Variants in GABRB1 observed in about 807,000 individuals in gnomAD.
GABRB1 encodes the protein gamma-aminobutyric acid type A receptor subunit beta1.
In GABRB1, 17 loss-of-function variants were observed where a neutral mutation model predicts 51.6. That is an observed-to-expected ratio of 0.33 (90% confidence interval 0.23 to 0.49). The LOEUF is 0.49. GABRB1 is among the 20% of genes least tolerant of loss of function. The pLI is 0.99. For missense variants in GABRB1, 410 were observed against 600.6 expected (o/e 0.68, Z 3.32); for synonymous variants, 247 against 218.9 (o/e 1.13, Z -1.14).
Position 47,064,337 on chromosome 4 carries a change from T to G in GABRB1, c.240+31853T>G, listed in dbSNP as rs1468745904. Among the ~76,000 whole-genome samples the G allele has an allele frequency of 3.3e-5, 5 of 152,270 alleles. No individual in the cohort carries two copies. The South Asian group carries it at 8.3e-4, about 25-fold the overall frequency. ...TCTTCTCTTCTTTACCTTATTTTTCTTCAAAGAAGTTATCAGGCCAGGTGC... is the reference window on the plus strand; with the variant it reads ...TCTTCTCTTCTTTACCTTATTTTTCGTCAAAGAAGTTATCAGGCCAGGTGC... On this transcript the variant is annotated intron_variant, in intron 3 of 8. Coordinates refer to ENST00000295454, the MANE Select transcript of GABRB1 (RefSeq NM_000812.4).
intron 3 of GABRB1, among the ~76,000 whole-genome samples, chr4:47,090,806 A>C (rs1728259948): frequency 6.6e-6 from 1 of 151,648 alleles, no homozygotes; most frequent in African/African-American, 2.4e-5. Flanking sequence ...ATGCTATGCA[A>C]TTTGAGGCCT....
chr4:47,150,649 A>G lies in GABRB1; in HGVS notation c.241-10600A>G, dbSNP rs1003570010. On this transcript the variant is annotated intron_variant, in intron 3 of 8. Coordinates refer to ENST00000295454, the MANE Select transcript of GABRB1 (RefSeq NM_000812.4). ...TACATGACAAAAGCCACATATATAT[A>G]CACACACACACACATAATGTTATAA... Among the ~76,000 whole-genome samples the G allele has an allele frequency of 4.7e-5, 7 of 150,228 alleles. No individual in the cohort carries two copies. In the East Asian group the frequency reaches 1.4e-3, roughly 29 times the overall value.
At chr4:47,412,219 C>A (rs1297033295) in intron 8 of GABRB1, among the ~76,000 whole-genome samples, 1 of 152,108 alleles carries the variant, frequency 6.6e-6, no homozygotes, top group African/African-American at 2.4e-5. Context: ...CACCCCAGAG[C>A]CCTTGTCTTT....
chr4:47,149,706 T>C (rs1717340899), intron 3 of GABRB1, among the ~76,000 whole-genome samples: 1 of 152,094 alleles, frequency 6.6e-6, no homozygotes, highest in Admixed American at 6.6e-5. Context: ...AGGATGATTA[T>C]AAAGCTACAT....
At chr4:47,417,514 C>T (rs895291333) in intron 8 of GABRB1, among the ~76,000 whole-genome samples, 8 of 151,444 alleles carry the variant, frequency 5.3e-5, no homozygotes, top group African/African-American at 1.5e-4. Context: ...CCCTGGTGAG[C>T]GCAAATGACT....
chr4:47,042,280 A>G (rs1329086013), intron 3 of GABRB1, among the ~76,000 whole-genome samples: 1 of 150,522 alleles, frequency 6.6e-6, no homozygotes, highest in East Asian at 1.9e-4. Context: ...TTTTATGTTG[A>G]CCATGAATCA....
intron 4 of GABRB1, among the ~76,000 whole-genome samples, chr4:47,195,397 TAGATAGATAGATA>T (rs1223086953): frequency 7.7e-6 from 1 of 129,844 alleles, no homozygotes; most frequent in South Asian, 2.7e-4. Context: ...AGATAGATGA[TAGATAGATAGATA>T]GATAGATAGA....
At chr4:47,052,058 A>T (rs770968313) in intron 3 of GABRB1, among the ~76,000 whole-genome samples, 1 of 152,114 alleles carries the variant, frequency 6.6e-6, no homozygotes, top group Non-Finnish European at 1.5e-5. Context: ...TGAACCCAGG[A>T]GGTAGAGGTT....
At chr4:47,033,285 T>C (rs1269048111) in intron 3 of GABRB1, among the ~76,000 whole-genome samples, 1 of 152,236 alleles carries the variant, frequency 6.6e-6, no homozygotes, top group Non-Finnish European at 1.5e-5. Context: ...CATTCTTTTA[T>C]ATATTTCTTC....
intron 5 of GABRB1, among the ~76,000 whole-genome samples, chr4:47,337,763 T>C (rs531969186): frequency 7.6e-6 from 1 of 132,312 alleles, no homozygotes; most frequent in Admixed American, 8.8e-5. Context: ...TGAGCCGACA[T>C]CATGCCACTG....
chr4:47,331,744 T>A (rs1311251144), intron 5 of GABRB1, among the ~76,000 whole-genome samples: 1 of 152,180 alleles, frequency 6.6e-6, no homozygotes, highest in Non-Finnish European at 1.5e-5. Flanking sequence ...CCAAACTTGA[T>A]AATAACAATA....
chr4:47,155,791 C>T (rs1406225085), intron 3 of GABRB1, among the ~76,000 whole-genome samples: 1 of 150,988 alleles, frequency 6.6e-6, no homozygotes, highest in Non-Finnish European at 1.5e-5. Context: ...GTCAGACTTC[C>T]CTAGCATAAA....
chr4:47,187,180 T>C (rs1270625095), intron 4 of GABRB1, among the ~76,000 whole-genome samples: 1 of 151,792 alleles, frequency 6.6e-6, no homozygotes, highest in East Asian at 1.9e-4. Context: ...AAATACAGTT[T>C]GTACCTAAGC....
At chr4:47,312,070 T>TGC (rs1553874201) in intron 4 of GABRB1, among the ~76,000 whole-genome samples, 1 of 149,316 alleles carries the variant, frequency 6.7e-6, no homozygotes. Context: ...TGTGTGTGTG[T>TGC]GCGCGTGCAT....
At chr4:47,364,973 A>G (rs924060328) in intron 5 of GABRB1, among the ~76,000 whole-genome samples, 8 of 152,240 alleles carry the variant, frequency 5.3e-5, no homozygotes, top group Non-Finnish European at 2.9e-5. Flanking sequence ...ACACCATGGC[A>G]ACAAGAAATT....
At chr4:47,376,517 G>T (rs562616052) in intron 5 of GABRB1, among the ~76,000 whole-genome samples, 1 of 152,280 alleles carries the variant, frequency 6.6e-6, no homozygotes, top group Admixed American at 6.5e-5. Context: ...CCTAGTGGCG[G>T]CCGCCTGTAG....
intron 3 of GABRB1, among the ~76,000 whole-genome samples, chr4:47,123,657 T>A (rs1323489610): frequency 2.6e-5 from 2 of 77,120 alleles, no homozygotes; most frequent in African/African-American, 5.3e-5. Flanking sequence ...TTTATATATA[T>A]AAATATATAT....
intron 3 of GABRB1, among the ~76,000 whole-genome samples, chr4:47,080,315 G>A (rs1239153033): frequency 2.0e-5 from 3 of 150,170 alleles, no homozygotes; most frequent in Non-Finnish European, 3.0e-5. Context: ...AAAAAAAGAA[G>A]TAGGGTCCTG....
At position 47,320,458 on chromosome 4, in the gene GABRB1, C is replaced by T. The variant is rs1280378977; in HGVS notation, c.544+249C>T. 2.0e-5 allele frequency among the ~76,000 whole-genome samples: 3 copies of T among 152,180 alleles called. No homozygotes were observed. The East Asian group carries it at 5.8e-4, about 29-fold the overall frequency. On this transcript the variant is annotated intron_variant, in intron 5 of 8. Coordinates refer to ENST00000295454, the MANE Select transcript of GABRB1 (RefSeq NM_000812.4). Reference sequence around the variant, plus strand: ...CTTTCTCCTTCTCAGAACGTAGTTTCTCCCAAAGCCTTCCAATATCCAAGC... The same window carrying T: ...CTTTCTCCTTCTCAGAACGTAGTTTTTCCCAAAGCCTTCCAATATCCAAGC...
Sources: allele counts gnomAD v4.1 joint callset (sites outside exome capture counted in the v4.1 genomes callset), GRCh38; gene constraint gnomAD v4.1.1; transcripts MANE v1.5; gene names NCBI Gene and HGNC (gene_info 2026-07-23, HGNC 2026-07-21).